DOCK3: variants seen among roughly 807,000 people sequenced by gnomAD.
The protein encoded by DOCK3 is dedicator of cytokinesis 3.
In DOCK3, 60 loss-of-function variants were observed where a neutral mutation model predicts 265.6. The observed-to-expected ratio is 0.23, with a 90% CI of 0.18 to 0.28. DOCK3 has a LOEUF of 0.28. Ranked by LOEUF, DOCK3 falls within the 10% of genes least tolerant of loss-of-function variation. The pLI, the probability that DOCK3 is intolerant of heterozygous loss-of-function variation, is 1.00. For synonymous variants in DOCK3, 881 were observed against 938.0 expected (o/e 0.94, Z 1.11); for missense variants, 1,981 against 2,594.3 (o/e 0.76, Z 5.14).
intron 16 of DOCK3, 116 bp from the exon 17 acceptor site, chr3:51,227,866 C>T (rs1560243216): frequency 9.9e-7 from 1 of 1,009,058 alleles, no homozygotes; most frequent in East Asian, 2.6e-5. Context: ...CAGGTTGCCA[C>T]CTAGTTAATG....
intron 12 of DOCK3, among the ~76,000 whole-genome samples, chr3:51,204,855 T>C (rs548069945): frequency 0.028 from 4,320 of 152,208 alleles, 90 homozygotes; most frequent in Non-Finnish European, 0.043. Flanking sequence ...GATGAGTTCA[T>C]GTCCTTTGTA....
intron 32 of DOCK3, among the ~76,000 whole-genome samples, chr3:51,325,687 A>G (rs908104989): frequency 1.3e-5 from 2 of 152,228 alleles, no homozygotes; most frequent in Admixed American, 6.5e-5. Context: ...GATAGGCTGG[A>G]TAAAGAAAAT....
Position 50,985,295 on chromosome 3 carries a change from C to T in DOCK3, c.315+51218C>T, listed in dbSNP as rs532876617. Among the ~76,000 whole-genome samples, 9 of 152,214 alleles carry T rather than the reference C, an allele frequency of 5.9e-5. No individual in the cohort carries two copies. In the South Asian group the frequency reaches 1.9e-3, roughly 32 times the overall value. On this transcript the variant is annotated intron_variant, in intron 5 of 52. Coordinates refer to ENST00000266037, the MANE Select transcript of DOCK3 (RefSeq NM_004947.5). ...AAAGCCTACAGTGAAAATGTGTATA[C>T]AAATTTTCTGCTGTATCCTCAGTTG...
At chr3:50,982,745 C>T (rs1352785030) in intron 5 of DOCK3, among the ~76,000 whole-genome samples, 1 of 152,182 alleles carries the variant, frequency 6.6e-6, no homozygotes, top group Non-Finnish European at 1.5e-5. Flanking sequence ...CTGGGCTGAG[C>T]TGCCTGCCAG....
intron 5 of DOCK3, among the ~76,000 whole-genome samples, chr3:51,005,803 C>T (rs1283380388): frequency 6.6e-6 from 1 of 152,114 alleles, no homozygotes; most frequent in Non-Finnish European, 1.5e-5. Flanking sequence ...CTTGCCCCTT[C>T]CATTTTTCCC....
chr3:50,875,857 TAA>T (rs78356817), intron 3 of DOCK3, among the ~76,000 whole-genome samples: 6 of 143,542 alleles, frequency 4.2e-5, no homozygotes, highest in East Asian at 2.0e-4. Flanking sequence ...ATTTTTGAAT[TAA>T]AAAAAAAAAA....
At chr3:50,848,406 G>A (rs1382848898) in intron 3 of DOCK3, among the ~76,000 whole-genome samples, 2 of 152,208 alleles carry the variant, frequency 1.3e-5, no homozygotes, top group African/African-American at 2.4e-5. Context: ...ATACTTAAGT[G>A]TGGTTGTGTG....
chr3:51,180,018 G>A (rs531418072), intron 12 of DOCK3, among the ~76,000 whole-genome samples: 1 of 152,048 alleles, frequency 6.6e-6, no homozygotes, highest in East Asian at 1.9e-4. Context: ...GACCAGCCTG[G>A]CCAACATGGC....
At chr3:51,247,742 G>A (rs2078907488) in intron 22 of DOCK3, among the ~76,000 whole-genome samples, 1 of 152,170 alleles carries the variant, frequency 6.6e-6, no homozygotes, top group Non-Finnish European at 1.5e-5. Context: ...ATCTGTCCTA[G>A]GGGCTAAGAT....
chr3:51,131,572 A>T (rs1475753816), intron 9 of DOCK3, among the ~76,000 whole-genome samples: 3 of 152,142 alleles, frequency 2.0e-5, no homozygotes, highest in Non-Finnish European at 2.9e-5. Flanking sequence ...AATTCAAACA[A>T]GTCTTTTATC....
intron 27 of DOCK3, among the ~76,000 whole-genome samples, chr3:51,287,584 C>G (rs1028806236): frequency 9.2e-5 from 14 of 151,928 alleles, no homozygotes; most frequent in Non-Finnish European, 8.8e-5. Flanking sequence ...AATTAAAAGT[C>G]AAGTCTCAAA....
chr3:51,278,110 C>G, intron 26 of DOCK3: 1 of 985,410 alleles, frequency 1.0e-6, no homozygotes, highest in African/African-American at 1.7e-5. Context: ...GGAACCCCCT[C>G]ATACAGGTTC....
chr3:50,911,913 T>C (rs1202024174), intron 4 of DOCK3, among the ~76,000 whole-genome samples: 1 of 152,046 alleles, frequency 6.6e-6, no homozygotes, highest in Non-Finnish European at 1.5e-5. Context: ...TTCTTAGGTA[T>C]CTTATTATTA....
chr3:50,874,061 C>CTTT (rs1234594228), intron 3 of DOCK3, among the ~76,000 whole-genome samples: 2 of 104,572 alleles, frequency 1.9e-5, no homozygotes, highest in African/African-American at 7.5e-5. Context: ...TTTTTCTTTT[C>CTTT]TTTTGTTTTT....
At chr3:51,328,295 A>G (rs2084285387) in intron 32 of DOCK3, among the ~76,000 whole-genome samples, 1 of 152,030 alleles carries the variant, frequency 6.6e-6, no homozygotes, top group African/African-American at 2.4e-5. Flanking sequence ...ATCTACCTAT[A>G]CCACCATGTG....
chr3:51,036,496 G>A (rs953666554), intron 5 of DOCK3, among the ~76,000 whole-genome samples: 3 of 152,126 alleles, frequency 2.0e-5, no homozygotes. Context: ...ATCTTATGAT[G>A]TAAGTCTTAT....
At chr3:50,725,822 G>C (rs1161929452) in intron 1 of DOCK3, among the ~76,000 whole-genome samples, 2 of 152,148 alleles carry the variant, frequency 1.3e-5, no homozygotes, top group African/African-American at 4.8e-5. Flanking sequence ...TCCCTCCTCA[G>C]AACTTTCTCA....
At chr3:51,300,307 A>C (rs1289443741) in intron 27 of DOCK3, among the ~76,000 whole-genome samples, 2 of 152,212 alleles carry the variant, frequency 1.3e-5, no homozygotes, top group African/African-American at 2.4e-5. Context: ...TTTTAGACTG[A>C]GACAATGGGG....
chr3:50,899,690 A>G (rs1396772260), intron 4 of DOCK3, among the ~76,000 whole-genome samples: 1 of 152,142 alleles, frequency 6.6e-6, no homozygotes, highest in African/African-American at 2.4e-5. Flanking sequence ...AAAATCTCTC[A>G]GTAGTTGCTT....
Sources: allele counts gnomAD v4.1 joint callset (sites outside exome capture counted in the v4.1 genomes callset), GRCh38; gene constraint gnomAD v4.1.1; transcripts MANE v1.5; gene names NCBI Gene and HGNC (gene_info 2026-07-23, HGNC 2026-07-21).